The following DIXDC1 variants were observed in gnomAD, a reference collection of about 807,000 sequenced individuals.
DIXDC1 encodes the protein DIX domain containing 1, also known as dixin.
DIXDC1 carries 64 observed loss-of-function variants against 103.1 expected under a neutral mutation model. That is an observed-to-expected ratio of 0.62 (90% CI 0.51 to 0.76). The LOEUF is 0.76. Ranked by LOEUF, DIXDC1 falls within the 30% of genes least tolerant of loss-of-function variation. The pLI, the probability that DIXDC1 is intolerant of heterozygous loss-of-function variation, is 0.00. For missense variants in DIXDC1, 759 were observed against 834.2 expected (o/e 0.91, Z 1.11); for synonymous variants, 266 against 298.5 (o/e 0.89, Z 1.12).
intron 6 of DIXDC1, among the ~76,000 whole-genome samples, chr11:111,981,143 A>G (rs1393049413): frequency 4.0e-5 from 6 of 151,788 alleles, no homozygotes; most frequent in Admixed American, 1.3e-4. Context: ...GCCTTACTCA[A>G]GTAAACACTT....
chr11:111,935,026 A>G (rs1003775998), upstream of DIXDC1, among the ~76,000 whole-genome samples: 14 of 152,240 alleles, frequency 9.2e-5, no homozygotes, highest in African/African-American at 3.4e-4. Flanking sequence ...CTTCACAGAC[A>G]GTCCTAGTGA....
At chr11:112,018,467 A>C (rs1861664228) in intron 19 of DIXDC1, among the ~76,000 whole-genome samples, 1 of 152,190 alleles carries the variant, frequency 6.6e-6, no homozygotes, top group African/African-American at 2.4e-5. Flanking sequence ...GAGAAAGTAA[A>C]ATTTTATTTT....
chr11:111,937,203 T>C (rs1555168249), upstream of DIXDC1: 1 of 1,092,936 alleles, frequency 9.1e-7, no homozygotes, highest in Non-Finnish European at 1.1e-6. Context: ...CGTGCGGCTT[T>C]CCCGCAGGAA....
intron 1 of DIXDC1, among the ~76,000 whole-genome samples, chr11:111,948,788 A>G (rs1966681151): frequency 6.6e-6 from 1 of 151,046 alleles, no homozygotes; most frequent in Admixed American, 6.6e-5. Context: ...CTGCATTTGA[A>G]CTCCTTCAGC....
intron 14 of DIXDC1, 41 bp from the exon 15 acceptor site, chr11:111,994,978 A>G (rs782049053): frequency 3.2e-6 from 5 of 1,578,638 alleles, no homozygotes; most frequent in South Asian, 1.1e-5. Flanking sequence ...CTGGTTTACA[A>G]TTCTCCCTTT....
At chr11:112,011,265 C>G (rs1861411825) in intron 17 of DIXDC1, among the ~76,000 whole-genome samples, 1 of 152,210 alleles carries the variant, frequency 6.6e-6, no homozygotes, top group South Asian at 2.1e-4. Flanking sequence ...TACCATCTCA[C>G]ACCAGTTAGA....
At chr11:111,973,240 C>T (rs144715671) in intron 3 of DIXDC1, among the ~76,000 whole-genome samples, 10 of 140,738 alleles carry the variant, frequency 7.1e-5, no homozygotes, top group East Asian at 2.2e-4. Context: ...GGCATGGTGG[C>T]GGGCACCTGT....
intron 12 of DIXDC1, 54 bp from the exon 13 acceptor site, chr11:111,993,442 C>A: frequency 6.2e-7 from 1 of 1,603,226 alleles, no homozygotes; most frequent in South Asian, 1.1e-5. Context: ...AGAGGGTGAA[C>A]TTTTCAGTGT....
rs1555173919 is a variant in DIXDC1, at chr11:111,986,911, A to G, written c.1049A>G (p.Asn350Ser). The G allele has an allele frequency of 1.9e-6, 3 of 1,577,368 alleles. No individual in the cohort carries two copies. Among genetic ancestry groups the G allele is most frequent in the Non-Finnish European group, 2.6e-6 (3 of 1,160,338 alleles). ...QSRLDQSMEE[N>S]QDLKKELLKC... ...CGTCTGGATCAGAGTATGGAGGAGAATCAGGACTTAAAGGTATGTCAAGAC... is the reference window on the plus strand; with the variant it reads ...CGTCTGGATCAGAGTATGGAGGAGAGTCAGGACTTAAAGGTATGTCAAGAC... Residue 350 changes from asparagine to serine, a missense_variant, in exon 9 of 20, where the codon AAT becomes AGT. Around this residue, in one of 3 missense-constraint regions of DIXDC1, gnomAD observed 657 missense variants for 727.5 expected, o/e 0.90. Transcript: ENST00000440460.
intron 5 of DIXDC1, among the ~76,000 whole-genome samples, chr11:111,979,822 T>C (rs1352840773): frequency 6.6e-6 from 1 of 152,048 alleles, no homozygotes; most frequent in African/African-American, 2.4e-5. Context: ...CTTGGCATCA[T>C]ATGCACCTGT....
At chr11:111,971,679 C>T (rs1859933942) in intron 3 of DIXDC1, among the ~76,000 whole-genome samples, 1 of 151,980 alleles carries the variant, frequency 6.6e-6, no homozygotes, top group Admixed American at 6.6e-5. Flanking sequence ...ATGGAATCAA[C>T]CTAGGTGCCC....
At chr11:111,990,432 C>T (rs603646) in intron 10 of DIXDC1, among the ~76,000 whole-genome samples, 76,560 of 151,910 alleles carry the variant, frequency 0.5, 21,598 homozygotes, top group African/African-American at 0.78. Context: ...TTTGTGTCTA[C>T]ATCGCTTTCC....
rs782466907 is a variant in DIXDC1, at chr11:112,017,052, T to G, written c.1862+256T>G. On this transcript the variant is annotated intron_variant, in intron 18 of 19. Coordinates refer to ENST00000440460, the MANE Select transcript of DIXDC1 (RefSeq NM_001037954.4). This position sits in a 1 kb window ranked among gnomAD's most constrained non-coding sequence, Gnocchi z 4.0. ...CTTCCAATCCTGATAACTATGCAAA[T>G]ATGGCTCTGCATTTGGGAAAATCTT... Among the ~76,000 whole-genome samples, 1 of 151,988 alleles carries G rather than the reference T, an allele frequency of 6.6e-6. No homozygotes were observed. The highest frequency in any genetic ancestry group is 1.5e-5 in the Non-Finnish European group (1 of 67,980).
chr11:111,954,637 T>C (rs141353007), intron 1 of DIXDC1, among the ~76,000 whole-genome samples: 1,779 of 152,310 alleles, frequency 0.012, 18 homozygotes, highest in Non-Finnish European at 0.019. Context: ...CAGTCCTCTA[T>C]GGATAATGAG....
In DIXDC1 at chr11:111,965,761, G is replaced by C. The variant is rs117254937; in HGVS notation, c.190+1083G>C. The stretch of plus-strand genomic sequence containing the variant: ...TACTTAGTATGAGTCAAACAAAATA[G>C]CTAAGCATGCTATTTTGATTTATTT... On this transcript the variant is annotated intron_variant, in intron 2 of 19. Transcript: ENST00000440460. Among the ~76,000 whole-genome samples, 337 of 152,182 alleles carry C rather than the reference G, an allele frequency of 2.2e-3. 5 individuals are homozygous for C. Among genetic ancestry groups the C allele is most frequent in the Admixed American group, 0.016 (251 of 15,284 alleles).
At chr11:112,018,678 C>G (rs1861670261) in intron 19 of DIXDC1, among the ~76,000 whole-genome samples, 1 of 152,170 alleles carries the variant, frequency 6.6e-6, no homozygotes, top group South Asian at 2.1e-4. Flanking sequence ...CATCTTTCCT[C>G]TAAGAAGCCC....
At chr11:112,009,498 A>G (rs1012953471) in intron 17 of DIXDC1, among the ~76,000 whole-genome samples, 7 of 152,224 alleles carry the variant, frequency 4.6e-5, no homozygotes, top group African/African-American at 9.6e-5. Flanking sequence ...TGGCAGAGAC[A>G]TAACAAAAAA....
chr11:111,973,380 A>C (rs587763667), intron 3 of DIXDC1, among the ~76,000 whole-genome samples: 1 of 152,312 alleles, frequency 6.6e-6, no homozygotes, highest in South Asian at 2.1e-4. Flanking sequence ...CTCAAAAAAA[A>C]AAAAAGGTGA....
chr11:112,005,687 C>A (rs1466665811), intron 17 of DIXDC1, among the ~76,000 whole-genome samples: 1 of 152,098 alleles, frequency 6.6e-6, no homozygotes, highest in African/African-American at 2.4e-5. Context: ...AGCTGGGTGA[C>A]AGACAGAGTG....
Sources: allele counts gnomAD v4.1 joint callset (sites outside exome capture counted in the v4.1 genomes callset), GRCh38; gene constraint gnomAD v4.1.1; regional missense constraint gnomAD v4.1.1; non-coding constraint Gnocchi (gnomAD v3.1); transcripts MANE v1.5; gene names NCBI Gene and HGNC (gene_info 2026-07-23, HGNC 2026-07-21).